The following CLVS1 variants were observed in gnomAD, a reference collection of about 807,000 sequenced individuals.
CLVS1 encodes clavesin-1.
CLVS1 carries 10 observed loss-of-function variants against 33.1 expected under a neutral mutation model. That is an observed-to-expected ratio of 0.30 (90% CI 0.19 to 0.51). The LOEUF (loss-of-function observed/expected upper bound fraction) is 0.51, where lower values mean the gene tolerates loss of function less well. Among genes scored for constraint, CLVS1 ranks in the 20% least tolerant of loss-of-function variants. CLVS1 has a pLI of 0.97. For synonymous variants in CLVS1, 163 were observed against 166.1 expected, an observed-to-expected ratio of 0.98 and a Z score of 0.14; for missense variants, 343 against 433.4, an observed-to-expected ratio of 0.79 and a Z score of 1.85.
chr8:61,069,288 G>C (rs1585586037), intron 1 of CLVS1, among the ~76,000 whole-genome samples: 1 of 152,118 alleles, frequency 6.6e-6, no homozygotes, highest in South Asian at 2.1e-4. Flanking sequence ...TTACAATGTA[G>C]GTCATAGGCC....
intron 3 of CLVS1, among the ~76,000 whole-genome samples, chr8:61,383,028 T>C (rs1813946873): frequency 2.6e-5 from 4 of 152,222 alleles, no homozygotes; most frequent in Admixed American, 2.6e-4. Flanking sequence ...GCAGCCCTTG[T>C]CTGTGGGCCC....
intron 2 of CLVS1, among the ~76,000 whole-genome samples, chr8:61,238,981 A>G (rs1808632243): frequency 6.6e-6 from 1 of 152,236 alleles, no homozygotes; most frequent in African/African-American, 2.4e-5. Flanking sequence ...TCTTTCAGGA[A>G]GAAGCAAACC....
At chr8:61,144,556 C>A (rs2129293713) in intron 2 of CLVS1, among the ~76,000 whole-genome samples, 1 of 152,042 alleles carries the variant, frequency 6.6e-6, no homozygotes, top group African/African-American at 2.4e-5. Context: ...ATGTATAATC[C>A]TTTGGGTATA....
At chr8:60,976,271 T>A in the CLVS1 span, among the ~76,000 whole-genome samples, 1 of 152,124 alleles carries the variant, frequency 6.6e-6, no homozygotes, top group Non-Finnish European at 1.5e-5. Context: ...ATGACCCACA[T>A]TGAAAAAATG....
chr8:61,168,304 C>G (rs1050471779), intron 2 of CLVS1, among the ~76,000 whole-genome samples: 2 of 152,216 alleles, frequency 1.3e-5, no homozygotes, highest in African/African-American at 4.8e-5. Context: ...AGCTTTCTAG[C>G]CTTGACAGGC....
intron 1 of CLVS1, among the ~76,000 whole-genome samples, chr8:61,100,906 AT>A (rs576150764): frequency 6.6e-6 from 1 of 151,886 alleles, no homozygotes; most frequent in Admixed American, 6.6e-5. Context: ...TCAGTACTTC[AT>A]TTTTTTTGGT....
intron 3 of CLVS1, among the ~76,000 whole-genome samples, chr8:61,386,305 G>A (rs762351230): frequency 2.0e-5 from 3 of 152,164 alleles, no homozygotes; most frequent in Admixed American, 6.6e-5. Flanking sequence ...GAAGGACCAC[G>A]CTTGATAAAC....
At chr8:61,037,471 T>C in the CLVS1 span, among the ~76,000 whole-genome samples, 5 of 152,192 alleles carry the variant, frequency 3.3e-5, no homozygotes, top group Admixed American at 6.5e-5. Context: ...TTTCCTTCCA[T>C]TTTAAGGCCG....
At chr8:61,298,418 G>A (rs1432067854) in intron 1 of CLVS1, among the ~76,000 whole-genome samples, 1 of 151,984 alleles carries the variant, frequency 6.6e-6, no homozygotes, top group East Asian at 1.9e-4. Flanking sequence ...TTATTCTGTT[G>A]TCTTGAAAAT....
At chr8:61,276,892 T>C (rs955465198) in intron 2 of CLVS1, among the ~76,000 whole-genome samples, 2 of 152,220 alleles carry the variant, frequency 1.3e-5, no homozygotes, top group African/African-American at 4.8e-5. Context: ...CTGGCTTCAG[T>C]CCAATGTCCC....
chr8:61,473,914 G>A (rs555774980), intron 5 of CLVS1, among the ~76,000 whole-genome samples: 1 of 152,288 alleles, frequency 6.6e-6, no homozygotes, highest in East Asian at 1.9e-4. Flanking sequence ...GAGGGCTTGT[G>A]TGGTATCTGG....
At chr8:61,497,656 A>G (rs1804314850) in intron 5 of CLVS1, among the ~76,000 whole-genome samples, 1 of 152,160 alleles carries the variant, frequency 6.6e-6, no homozygotes, top group Non-Finnish European at 1.5e-5. Context: ...ACCCCAAGAG[A>G]GGGGTTCTTG....
At chr8:60,995,162 G>A in the CLVS1 span, among the ~76,000 whole-genome samples, 2 of 152,180 alleles carry the variant, frequency 1.3e-5, no homozygotes, top group Non-Finnish European at 2.9e-5. Flanking sequence ...TTGACAAATG[G>A]CATCTAATTA....
At chr8:61,064,389 T>G (rs1804637184) in intron 1 of CLVS1, among the ~76,000 whole-genome samples, 1 of 152,208 alleles carries the variant, frequency 6.6e-6, no homozygotes, top group Non-Finnish European at 1.5e-5. Context: ...ACATTTTGAT[T>G]CTAGTTGCCC....
chr8:61,226,980 G>GTTTTTTTTTTTTTTTTTT (rs55718731), intron 2 of CLVS1, among the ~76,000 whole-genome samples: 5 of 132,310 alleles, frequency 3.8e-5, no homozygotes, highest in Non-Finnish European at 4.7e-5. Context: ...ACGAAAACAT[G>GTTTTTTTTTTTTTTTTTT]TTTTTTTTTT....
intron 2 of CLVS1, among the ~76,000 whole-genome samples, chr8:61,357,408 T>C (rs1812762166): frequency 1.3e-5 from 2 of 151,496 alleles, no homozygotes; most frequent in Admixed American, 6.6e-5. Flanking sequence ...TTGAATCAAA[T>C]GGTAAGTATA....
intron 2 of CLVS1, among the ~76,000 whole-genome samples, chr8:61,369,705 A>T (rs919145244): frequency 2.6e-5 from 4 of 152,200 alleles, no homozygotes; most frequent in African/African-American, 7.2e-5. Flanking sequence ...AGAAACAGGA[A>T]ATTGTCCATT....
At chr8:61,188,875 G>C (rs1207979966) in intron 2 of CLVS1, among the ~76,000 whole-genome samples, 2 of 151,934 alleles carry the variant, frequency 1.3e-5, no homozygotes. Flanking sequence ...TGGGATATAG[G>C]TAATATTTAA....
chr8:61,170,891 G>A (rs1388898694), intron 2 of CLVS1, among the ~76,000 whole-genome samples: 2 of 152,114 alleles, frequency 1.3e-5, no homozygotes, highest in Non-Finnish European at 2.9e-5. Flanking sequence ...CAGAACAACA[G>A]AAAATACAGT....
Sources: gnomAD v4.1 joint callset for allele counts (sites outside exome capture counted in the v4.1 genomes callset) on GRCh38, gnomAD v4.1.1 for gene constraint, MANE v1.5 for transcripts, NCBI Gene and HGNC (gene_info 2026-07-23, HGNC 2026-07-21) for gene names.